RALYL: variants seen among roughly 807,000 people sequenced by gnomAD.
The protein encoded by RALYL is RALY RNA binding protein like, also known as RNA-binding Raly-like protein.
RALYL carries 29 observed loss-of-function variants against 35.1 expected under a neutral mutation model. That is an observed-to-expected ratio of 0.83 (90% CI 0.61 to 1.13). The LOEUF is 1.13. RALYL is among the 50% of genes most tolerant of loss of function. RALYL has a pLI of 0.00. For missense variants in RALYL, 359 were observed against 360.4 expected (o/e 1.00, Z 0.03); for synonymous variants, 120 against 127.6 (o/e 0.94, Z 0.40).
chr8:84,731,484 C>G lies in RALYL; in HGVS notation c.257-43095C>G, dbSNP rs75235889. Among the ~76,000 whole-genome samples the G allele has an allele frequency of 1.8e-3, 278 of 152,204 alleles. 4 individuals are homozygous for G. The East Asian group carries it at 0.049, about 27-fold the overall frequency. ...TGGTAATTATCTTTGAAACGTCTTT[C>G]TCTTTACCTTCCATTTTTAATCGAT... On this transcript the variant is annotated intron_variant, in intron 2 of 8. Transcript: ENST00000521268.
chr8:84,455,005 T>C (rs948866357), intron 1 of RALYL, among the ~76,000 whole-genome samples: 1 of 152,068 alleles, frequency 6.6e-6, no homozygotes, highest in Non-Finnish European at 1.5e-5. Flanking sequence ...AGTTATTTTA[T>C]ATGGAATGAA....
intron 2 of RALYL, among the ~76,000 whole-genome samples, chr8:84,701,194 G>A (rs1354903064): frequency 1.3e-5 from 2 of 152,172 alleles, no homozygotes; most frequent in African/African-American, 4.8e-5. Context: ...TGAGAAAGGA[G>A]AGTTGAGATA....
At chr8:84,637,789 G>A (rs1362648005) in intron 2 of RALYL, among the ~76,000 whole-genome samples, 1 of 151,688 alleles carries the variant, frequency 6.6e-6, no homozygotes, top group Non-Finnish European at 1.5e-5. Context: ...TTTGCAGCTG[G>A]GTCTCCATGC....
chr8:84,591,120 A>G (rs1813158204), intron 2 of RALYL, among the ~76,000 whole-genome samples: 1 of 152,180 alleles, frequency 6.6e-6, no homozygotes, highest in Non-Finnish European at 1.5e-5. Context: ...TTTTTAAAAT[A>G]GCATATAAGA....
chr8:84,810,385 G>T (rs1586455283), intron 4 of RALYL, among the ~76,000 whole-genome samples: 1 of 152,012 alleles, frequency 6.6e-6, no homozygotes, highest in South Asian at 2.1e-4. Flanking sequence ...ATTTATTGAG[G>T]CTCATTTTAT....
chr8:84,389,437 A>G (rs1262978719), intron 1 of RALYL, among the ~76,000 whole-genome samples: 1 of 151,974 alleles, frequency 6.6e-6, no homozygotes, highest in Non-Finnish European at 1.5e-5. Context: ...CTTGGGCAGT[A>G]TGGCCACTTT....
rs117662618 is a variant in RALYL at position 84,593,906 on chromosome 8, A to G, written c.256+64329A>G. Among the ~76,000 whole-genome samples the G allele has an allele frequency of 2.3e-3, 345 of 152,072 alleles. 1 individual carries two copies. The highest frequency in any genetic ancestry group is 3.8e-3 in the Non-Finnish European group (261 of 67,962). On this transcript the variant is annotated intron_variant, in intron 2 of 8. Transcript: ENST00000521268. ...ATTATATGCACTGCCCTTCCTCAGA[A>G]CCTTTCCACCCACTTGTTTATGATC...
chr8:84,879,898 G>T (rs1285710044), intron 7 of RALYL, among the ~76,000 whole-genome samples: 1 of 151,956 alleles, frequency 6.6e-6, no homozygotes, highest in Non-Finnish European at 1.5e-5. Context: ...AAGCAGCAAG[G>T]AAGGCTTTGT....
intron 1 of RALYL, among the ~76,000 whole-genome samples, chr8:84,446,705 G>A (rs1171608200): frequency 6.6e-6 from 1 of 152,004 alleles, no homozygotes; most frequent in Non-Finnish European, 1.5e-5. Flanking sequence ...CTTTGGTCGT[G>A]GCAGGCTGTG....
chr8:84,660,060 G>A (rs138870713), intron 2 of RALYL, among the ~76,000 whole-genome samples: 46 of 152,162 alleles, frequency 3.0e-4, no homozygotes, highest in African/African-American at 1.0e-3. Flanking sequence ...TCTATTCCAC[G>A]AATATTTGGT....
chr8:84,448,367 G>A (rs562911129), intron 1 of RALYL, among the ~76,000 whole-genome samples: 23 of 151,988 alleles, frequency 1.5e-4, no homozygotes, highest in Non-Finnish European at 2.6e-4. Context: ...TTGTTGAGAC[G>A]TTTGAAATTA....
chr8:84,688,418 A>G (rs950130176), intron 2 of RALYL, among the ~76,000 whole-genome samples: 1 of 152,184 alleles, frequency 6.6e-6, no homozygotes, highest in Non-Finnish European at 1.5e-5. Context: ...GAACCCAGAA[A>G]TACAACCACA....
intron 3 of RALYL, among the ~76,000 whole-genome samples, chr8:84,794,424 C>A (rs1586314921): frequency 6.6e-6 from 1 of 152,166 alleles, no homozygotes; most frequent in African/African-American, 2.4e-5. Flanking sequence ...CAGCCATTAG[C>A]AAGCAACTAA....
intron 2 of RALYL, among the ~76,000 whole-genome samples, chr8:84,654,142 CAT>C (rs1829427278): frequency 6.8e-6 from 1 of 146,726 alleles, no homozygotes; most frequent in Non-Finnish European, 1.5e-5. Flanking sequence ...ATATATGTTA[CAT>C]ATATATAGTG....
At chr8:84,703,061 T>C (rs1173456793) in intron 2 of RALYL, among the ~76,000 whole-genome samples, 1 of 152,152 alleles carries the variant, frequency 6.6e-6, no homozygotes, top group Non-Finnish European at 1.5e-5. Flanking sequence ...CTATATTTTT[T>C]CTTCCTACTT....
At chr8:84,254,096 A>T (rs756747404) in intron 1 of RALYL, among the ~76,000 whole-genome samples, 1 of 152,146 alleles carries the variant, frequency 6.6e-6, no homozygotes, top group Non-Finnish European at 1.5e-5. Context: ...ATAATTGTCC[A>T]CTTTATAAGC....
At chr8:84,362,169 A>G (rs910946502) in intron 1 of RALYL, among the ~76,000 whole-genome samples, 2 of 152,174 alleles carry the variant, frequency 1.3e-5, no homozygotes, top group Admixed American at 6.5e-5. Context: ...TACACAGAAT[A>G]CCAGAGAGTA....
chr8:84,601,844 G>A (rs914362980), intron 2 of RALYL, among the ~76,000 whole-genome samples: 1 of 152,090 alleles, frequency 6.6e-6, no homozygotes, highest in Non-Finnish European at 1.5e-5. Context: ...AGGCTATGAT[G>A]CTATTGTATT....
intron 1 of RALYL, among the ~76,000 whole-genome samples, chr8:84,442,311 G>A (rs938825515): frequency 6.6e-6 from 1 of 151,998 alleles, no homozygotes; most frequent in Non-Finnish European, 1.5e-5. Flanking sequence ...TTTAAATTAG[G>A]ATCAGTTTAT....
Sources: gnomAD v4.1 joint callset for allele counts (sites outside exome capture counted in the v4.1 genomes callset) on GRCh38, gnomAD v4.1.1 for gene constraint, MANE v1.5 for transcripts, NCBI Gene and HGNC (gene_info 2026-07-23, HGNC 2026-07-21) for gene names.